Variants in ANKRD44 observed in about 807,000 individuals in gnomAD.
The protein encoded by ANKRD44 is ankyrin repeat domain 44.
ANKRD44 carries 35 observed loss-of-function variants against 116.0 expected under a neutral mutation model. The observed-to-expected ratio is 0.30, with a 90% CI of 0.23 to 0.40. The LOEUF is 0.40. Ranked by LOEUF, ANKRD44 falls within the 10% of genes least tolerant of loss-of-function variation. The pLI is 1.00. For synonymous variants in ANKRD44, 435 were observed against 461.8 expected, an observed-to-expected ratio of 0.94 and a Z score of 0.74; for missense variants, 1,014 against 1,242.6, an observed-to-expected ratio of 0.82 and a Z score of 2.77.
At chr2:197,285,819 T>C (rs2083390952) in intron 1 of ANKRD44, among the ~76,000 whole-genome samples, 1 of 152,152 alleles carries the variant, frequency 6.6e-6, no homozygotes, top group African/African-American at 2.4e-5. Flanking sequence ...TAAAATGATA[T>C]AGGGTCAGAT....
At chr2:197,112,750 G>T (rs2078619076) in intron 8 of ANKRD44, among the ~76,000 whole-genome samples, 1 of 149,838 alleles carries the variant, frequency 6.7e-6, no homozygotes, top group African/African-American at 2.4e-5. Flanking sequence ...AAAAAAGAAA[G>T]AAAGAAAAAG....
chr2:197,126,084 C>T, intron 4 of ANKRD44, 47 bp from the exon 5 acceptor site: 1 of 1,592,866 alleles, frequency 6.3e-7, no homozygotes, highest in South Asian at 1.1e-5. Flanking sequence ...GACGTTCAAT[C>T]AATACTTACT....
chr2:196,989,577 A>C lies in ANKRD44; in HGVS notation c.*14T>G. 6.5e-7 allele frequency: 1 copy of C among 1,549,344 alleles called. No homozygotes were observed. Among genetic ancestry groups the C allele is most frequent in the Non-Finnish European group, 8.7e-7 (1 of 1,146,294 alleles). On this transcript the variant is annotated 3_prime_UTR_variant, in exon 28 of 28. Transcript: ENST00000282272. Reference sequence around the variant, plus strand: ...ATATGTGTGCATGTGTATGTGCATAATTTTTAAAGAGTCTCATTCTTCTTT... The same window carrying C: ...ATATGTGTGCATGTGTATGTGCATACTTTTTAAAGAGTCTCATTCTTCTTT...
At chr2:197,180,635 T>C (rs1559129063) in intron 2 of ANKRD44, among the ~76,000 whole-genome samples, 1 of 152,200 alleles carries the variant, frequency 6.6e-6, no homozygotes, top group African/African-American at 2.4e-5. Context: ...GTAGGATATA[T>C]GTAGGTGAGA....
At chr2:197,112,923 G>T (rs2078623266) in intron 8 of ANKRD44, among the ~76,000 whole-genome samples, 1 of 151,012 alleles carries the variant, frequency 6.6e-6, no homozygotes, top group Non-Finnish European at 1.5e-5. Context: ...AAATAAAAAA[G>T]GAATTACACA....
At chr2:197,128,698 A>G (rs1260858983) in intron 4 of ANKRD44, among the ~76,000 whole-genome samples, 1 of 152,216 alleles carries the variant, frequency 6.6e-6, no homozygotes, top group East Asian at 1.9e-4. Flanking sequence ...TGTTTTCATC[A>G]TGAAATCTTT....
Position 197,013,011 on chromosome 2 carries a change from C to T in ANKRD44, c.1924+500G>A, listed in dbSNP as rs149713618. 9.7e-3 allele frequency among the ~76,000 whole-genome samples: 1,481 copies of T among 152,166 alleles called. 9 individuals carry two copies. The highest frequency in any genetic ancestry group is 0.027 in the Middle Eastern group (8 of 294). On this transcript the variant is annotated intron_variant, in intron 18 of 27. Coordinates refer to ENST00000282272, the MANE Select transcript of ANKRD44 (RefSeq NM_001195144.2). ...TTGATATATACATGTACTTTTAAAG[C>T]GTCTTGATTTTTACATCGATGTGTA...
chr2:197,039,125 T>C (rs932638220), intron 16 of ANKRD44, among the ~76,000 whole-genome samples: 4 of 152,218 alleles, frequency 2.6e-5, no homozygotes, highest in African/African-American at 9.6e-5. Context: ...AAAGAAATAT[T>C]CTATCTGGTG....
chr2:197,206,263 T>C (rs1574271972), intron 1 of ANKRD44, among the ~76,000 whole-genome samples: 1 of 152,240 alleles, frequency 6.6e-6, no homozygotes. Context: ...GCCCTTCTTA[T>C]GTGCTGGCCA....
intron 2 of ANKRD44, among the ~76,000 whole-genome samples, chr2:197,182,534 T>C (rs10177616): frequency 0.016 from 2,399 of 152,314 alleles, 77 homozygotes; most frequent in African/African-American, 0.054. Flanking sequence ...TTCAGTCAAA[T>C]GTGCTGCAAG....
At position 196,988,868 on chromosome 2, in the gene ANKRD44, T is replaced by C; in HGVS notation, c.*723A>G. 5.1e-6 allele frequency: 5 copies of C among 985,460 alleles called. No individual in the cohort carries two copies. The highest frequency in any genetic ancestry group is 6.0e-6 in the Non-Finnish European group (5 of 829,940). The allele number at this position is 985,460 out of a possible 1,614,324, so 61.0% of individuals were successfully genotyped here. A position where few individuals can be genotyped will look rare whatever the true frequency, so the allele number is the denominator to read the frequency against. On this transcript the variant is annotated 3_prime_UTR_variant, in exon 28 of 28. Transcript: ENST00000282272. ...AGACTATGTGAGCTTTTCAGTGTAC[T>C]TAGGGTAATTTCTAGATATTTCTTT...
At chr2:197,026,037 T>C (rs369079162) in intron 16 of ANKRD44, among the ~76,000 whole-genome samples, 3 of 30,620 alleles carry the variant, frequency 9.8e-5, no homozygotes, top group Non-Finnish European at 2.4e-4. Flanking sequence ...AAGGGGGAGA[T>C]AAAAAGAAAC....
chr2:197,236,817 C>G (rs1042136791), intron 1 of ANKRD44, among the ~76,000 whole-genome samples: 17 of 152,022 alleles, frequency 1.1e-4, no homozygotes, highest in Non-Finnish European at 1.9e-4. Flanking sequence ...CACTTCAGTC[C>G]TGAGTTTGTA....
intron 1 of ANKRD44, among the ~76,000 whole-genome samples, chr2:197,226,024 C>A (rs2081703798): frequency 6.6e-6 from 1 of 152,132 alleles, no homozygotes; most frequent in Non-Finnish European, 1.5e-5. Context: ...TATGGCTTTC[C>A]CTGGAGAATT....
chr2:197,107,065 A>C (rs2078449948), intron 9 of ANKRD44, among the ~76,000 whole-genome samples: 1 of 152,204 alleles, frequency 6.6e-6, no homozygotes, highest in Admixed American at 6.5e-5. Flanking sequence ...ACAACCAGTG[A>C]GGAAAATAAA....
chr2:197,270,267 G>A lies in ANKRD44; in HGVS notation c.27+40311C>T, dbSNP rs147683040. ...AGTTAAGGCCTTGCACATGCCACTC[G>A]GGAGTCAGACTCTGTGCCAGATGTG... On this transcript the variant is annotated intron_variant, in intron 1 of 27. Coordinates refer to ENST00000282272, the MANE Select transcript of ANKRD44 (RefSeq NM_001195144.2). Among the ~76,000 whole-genome samples, 899 of 152,182 alleles carry A rather than the reference G, an allele frequency of 5.9e-3. 3 individuals are homozygous for A. Among genetic ancestry groups the A allele is most frequent in the Middle Eastern group, 0.027 (8 of 294 alleles).
chr2:197,002,754 C>T (rs775815400), intron 21 of ANKRD44, among the ~76,000 whole-genome samples: 26 of 152,100 alleles, frequency 1.7e-4, no homozygotes, highest in Non-Finnish European at 2.6e-4. Context: ...CAAAAAACAA[C>T]GACAAAGTCT....
At chr2:196,999,120 A>G (rs2076067419) in intron 23 of ANKRD44, 68 bp from the exon 24 acceptor site, 1 of 1,567,034 alleles carries the variant, frequency 6.4e-7, no homozygotes, top group African/African-American at 1.4e-5. Flanking sequence ...ACTGCCCAAG[A>G]AACATGCACA....
chr2:197,227,398 T>C (rs2081742806), intron 1 of ANKRD44, among the ~76,000 whole-genome samples: 1 of 152,176 alleles, frequency 6.6e-6, no homozygotes, highest in South Asian at 2.1e-4. Flanking sequence ...GGGTGTCCCA[T>C]TGCATCGCTG....
Sources: allele counts gnomAD v4.1 joint callset (sites outside exome capture counted in the v4.1 genomes callset), GRCh38; gene constraint gnomAD v4.1.1; transcripts MANE v1.5; gene names NCBI Gene and HGNC (gene_info 2026-07-23, HGNC 2026-07-21).